RNLS: variants seen among roughly 807,000 people sequenced by gnomAD.
RNLS encodes the protein renalase, FAD dependent amine oxidase.
A neutral mutation model predicts 39.8 loss-of-function variants in RNLS; 39 were observed. The observed-to-expected ratio is 0.98, with a 90% CI of 0.76 to 1.28. RNLS has a LOEUF of 1.28. Ranked by LOEUF, RNLS falls within the 50% of genes most tolerant of loss-of-function variation. The probability of loss-of-function intolerance (pLI) is 0.00; values close to 1 mark genes in which losing one functional copy is unlikely to be tolerated. For synonymous variants in RNLS, 147 were observed against 150.7 expected, an observed-to-expected ratio of 0.98 and a Z score of 0.18; for missense variants, 410 against 413.3, an observed-to-expected ratio of 0.99 and a Z score of 0.07.
At chr10:88,533,027 C>T (rs1384614594) in intron 4 of RNLS, among the ~76,000 whole-genome samples, 1 of 152,032 alleles carries the variant, frequency 6.6e-6, no homozygotes, top group African/African-American at 2.4e-5. Context: ...TTCTGTCATA[C>T]AATTGTTAGA....
chr10:88,365,390 C>T (rs1328708394), intron 4 of RNLS, among the ~76,000 whole-genome samples: 2 of 151,022 alleles, frequency 1.3e-5, no homozygotes, highest in East Asian at 3.9e-4. Context: ...AATATTCTTT[C>T]TTATCATGTT....
chr10:88,378,862 T>C (rs2133490284), intron 4 of RNLS, among the ~76,000 whole-genome samples: 1 of 152,338 alleles, frequency 6.6e-6, no homozygotes, highest in Admixed American at 6.5e-5. Flanking sequence ...ATCTGCTGTT[T>C]TGTCAGTTGA....
At chr10:88,227,077 G>A in the RNLS span, among the ~76,000 whole-genome samples, 2 of 152,086 alleles carry the variant, frequency 1.3e-5, no homozygotes. Flanking sequence ...ATGGTTTTTG[G>A]ACTACAACAG....
intron 1 of RNLS, among the ~76,000 whole-genome samples, 177 bp downstream of exon 1, chr10:88,582,896 A>C (rs1002520936): frequency 6.6e-6 from 1 of 152,196 alleles, no homozygotes; most frequent in Non-Finnish European, 1.5e-5. Flanking sequence ...GGGCGGCGGA[A>C]GTCCCCGATC....
intron 4 of RNLS, among the ~76,000 whole-genome samples, chr10:88,570,829 A>T (rs1001269297): frequency 6.6e-6 from 1 of 152,188 alleles, no homozygotes; most frequent in Admixed American, 6.5e-5. Flanking sequence ...CTTCAGTCAG[A>T]AGTTTCAAGG....
chr10:88,524,962 T>C (rs7091410), intron 4 of RNLS, among the ~76,000 whole-genome samples: 22,347 of 76,854 alleles, frequency 0.29, 3,710 homozygotes, highest in African/African-American at 0.53. Context: ...CACACATACA[T>C]ATATATATAT....
At chr10:88,417,496 C>CT (rs1331402773) in intron 4 of RNLS, among the ~76,000 whole-genome samples, 1 of 152,144 alleles carries the variant, frequency 6.6e-6, no homozygotes, top group African/African-American at 2.4e-5. Flanking sequence ...TGTAAACAGT[C>CT]TACTACGTTA....
chr10:88,265,820 C>T, the RNLS span, among the ~76,000 whole-genome samples: 2 of 152,106 alleles, frequency 1.3e-5, no homozygotes, highest in African/African-American at 4.8e-5. Context: ...ATTAATATTG[C>T]TTGTTATAAC....
intron 6 of RNLS, among the ~76,000 whole-genome samples, chr10:88,300,247 G>A (rs1400084855): frequency 1.3e-5 from 2 of 152,122 alleles, no homozygotes; most frequent in Admixed American, 1.3e-4. Flanking sequence ...AACATAAAGA[G>A]CCCAGTGAGC....
chr10:88,532,185 T>C (rs754415878), intron 4 of RNLS, among the ~76,000 whole-genome samples: 1 of 152,126 alleles, frequency 6.6e-6, no homozygotes, highest in African/African-American at 2.4e-5. Context: ...ATCTAATTTG[T>C]ATCTTTACAT....
chr10:88,381,704 A>G (rs1851507929), intron 4 of RNLS, among the ~76,000 whole-genome samples: 1 of 152,016 alleles, frequency 6.6e-6, no homozygotes, highest in Non-Finnish European at 1.5e-5. Flanking sequence ...TACAAATTAT[A>G]TATCACTTAA....
chr10:88,475,701 G>A (rs1843779318), intron 4 of RNLS, among the ~76,000 whole-genome samples: 1 of 152,020 alleles, frequency 6.6e-6, no homozygotes, highest in Non-Finnish European at 1.5e-5. Context: ...GGAAAAACAT[G>A]GTCTCTGGCT....
In RNLS at chr10:88,444,322, C is replaced by T. The variant is rs542990157; in HGVS notation, c.527-81597G>A. 8.9e-4 allele frequency among the ~76,000 whole-genome samples: 135 copies of T among 151,782 alleles called. 1 individual carries two copies. Among genetic ancestry groups the T allele is most frequent in the South Asian group, 7.1e-3 (34 of 4,792 alleles). ...CATCCACACCAAAACCCCACCTGTA[C>T]GTCACCATCATCAAAGACCAAAGGT... On this transcript the variant is annotated intron_variant, in intron 4 of 6. Transcript: ENST00000331772.
chr10:88,355,176 G>C (rs2081617), intron 5 of RNLS, among the ~76,000 whole-genome samples: 126,162 of 151,634 alleles, frequency 0.83, 52,583 homozygotes, highest in African/African-American at 0.87. Context: ...CCTTTAGCTT[G>C]GAGAAGTTTG....
chr10:88,365,935 T>C (rs909059838), intron 4 of RNLS, among the ~76,000 whole-genome samples: 5 of 152,150 alleles, frequency 3.3e-5, no homozygotes, highest in Non-Finnish European at 5.9e-5. Context: ...ATAATACATA[T>C]TCTGCCCATT....
chr10:88,560,131 A>G (rs1849089817), intron 4 of RNLS, among the ~76,000 whole-genome samples: 1 of 152,076 alleles, frequency 6.6e-6, no homozygotes, highest in African/African-American at 2.4e-5. Context: ...AGTGGTTTTG[A>G]GCTGAGGTTG....
At chr10:88,228,613 T>G in the RNLS span, among the ~76,000 whole-genome samples, 1 of 152,250 alleles carries the variant, frequency 6.6e-6, no homozygotes, top group Admixed American at 6.5e-5. Flanking sequence ...TGTCCACCAC[T>G]GTCTTCCAAC....
chr10:88,351,698 G>T (rs1436818865), intron 5 of RNLS, among the ~76,000 whole-genome samples: 1 of 152,160 alleles, frequency 6.6e-6, no homozygotes, highest in East Asian at 1.9e-4. Context: ...CTCTTTTTTG[G>T]TTCCATATGA....
At chr10:88,568,267 G>A (rs1210915077) in intron 4 of RNLS, among the ~76,000 whole-genome samples, 4 of 152,106 alleles carry the variant, frequency 2.6e-5, no homozygotes, top group Admixed American at 2.0e-4. Flanking sequence ...GAAATCTATA[G>A]GGACAGATAG....
Sources: gnomAD v4.1 joint callset for allele counts (sites outside exome capture counted in the v4.1 genomes callset) on GRCh38, gnomAD v4.1.1 for gene constraint, MANE v1.5 for transcripts, NCBI Gene and HGNC (gene_info 2026-07-23, HGNC 2026-07-21) for gene names.